The following SIK3 variants were observed in gnomAD, a reference collection of about 807,000 sequenced individuals.
SIK3 encodes the protein serine/threonine-protein kinase SIK3.
Under a neutral mutation model 144.2 loss-of-function variants are expected in SIK3, and 28 were observed. That is an observed-to-expected ratio of 0.19 (90% confidence interval 0.14 to 0.27). The LOEUF is 0.27. Among genes scored for constraint, SIK3 ranks in the 10% least tolerant of loss-of-function variants. The probability of loss-of-function intolerance (pLI) is 1.00; values close to 1 mark genes in which losing one functional copy is unlikely to be tolerated. For synonymous variants in SIK3, 686 were observed against 676.3 expected, an observed-to-expected ratio of 1.01 and a Z score of -0.22; for missense variants, 1,319 against 1,776.0, an observed-to-expected ratio of 0.74 and a Z score of 4.62.
At chr11:117,036,307 G>A (rs1267366809) in intron 1 of SIK3, among the ~76,000 whole-genome samples, 1 of 152,106 alleles carries the variant, frequency 6.6e-6, no homozygotes, top group East Asian at 1.9e-4. Context: ...GAAAGTTGAG[G>A]GAAAGCTGAG....
chr11:116,867,928 G>A lies in SIK3; in HGVS notation c.1952+18C>T. 1.3e-6 allele frequency: 2 copies of A among 1,522,556 alleles called. No homozygotes were observed. The highest frequency in any genetic ancestry group is 1.8e-6 in the Non-Finnish European group (2 of 1,132,024). 94.3% of individuals were successfully genotyped at this position (1,522,556 alleles called of 1,614,324 possible). A position where few individuals can be genotyped will look rare whatever the true frequency, so the allele number is the denominator to read the frequency against. Reference sequence around the variant, plus strand: ...CGATGAGCCTCAAGGAGCTCGCACAGCTCATGTGGCTACTCACCGATGCTG... The same window carrying A: ...CGATGAGCCTCAAGGAGCTCGCACAACTCATGTGGCTACTCACCGATGCTG... On this transcript the variant is annotated intron_variant, in intron 15 of 24. Transcript: ENST00000445177. This position sits in a 1 kb window ranked among gnomAD's most constrained non-coding sequence, Gnocchi z 4.1.
intron 4 of SIK3, among the ~76,000 whole-genome samples, chr11:116,910,372 A>G (rs982604181): frequency 6.6e-6 from 1 of 152,210 alleles, no homozygotes; most frequent in Non-Finnish European, 1.5e-5. Context: ...GAAAGTTGAC[A>G]TAGTTTTAGT....
chr11:117,012,953 A>G lies in SIK3; in HGVS notation c.274-55889T>C, dbSNP rs1032593706. Among the ~76,000 whole-genome samples the G allele has an allele frequency of 4.1e-5, 6 of 145,084 alleles. No individual in the cohort carries two copies. The South Asian group carries it at 1.1e-3, about 26-fold the overall frequency. On this transcript the variant is annotated intron_variant, in intron 1 of 24. Coordinates refer to ENST00000445177, the MANE Select transcript of SIK3 (RefSeq NM_001366686.3). The stretch of plus-strand genomic sequence containing the variant: ...TGCAAGCTCTGCCTCCCGGGTTCAC[A>G]CCATTATCCTGCCTCAGCCTCCCGA...
intron 1 of SIK3, among the ~76,000 whole-genome samples, chr11:116,988,376 ACT>A (rs1475597572): frequency 6.9e-6 from 1 of 144,074 alleles, no homozygotes; most frequent in Non-Finnish European, 1.6e-5. Flanking sequence ...ACAGAGCGAG[ACT>A]CTGACTCAAA....
chr11:116,967,559 T>C (rs1949603679), intron 1 of SIK3, among the ~76,000 whole-genome samples: 1 of 152,160 alleles, frequency 6.6e-6, no homozygotes, highest in South Asian at 2.1e-4. Flanking sequence ...CAGAAAACAG[T>C]TGAAAAACTA....
chr11:116,878,062 A>G (rs1262738651), intron 6 of SIK3, among the ~76,000 whole-genome samples: 1 of 152,158 alleles, frequency 6.6e-6, no homozygotes, highest in Non-Finnish European at 1.5e-5. Context: ...CTTAACCACA[A>G]TGCTACCCTG....
At chr11:116,908,144 G>C (rs1412881793) in intron 4 of SIK3, among the ~76,000 whole-genome samples, 1 of 152,126 alleles carries the variant, frequency 6.6e-6, no homozygotes, top group Non-Finnish European at 1.5e-5. Flanking sequence ...CAGAAAGTGA[G>C]AAACCACAAA....
chr11:116,998,008 C>T (rs1297269924), intron 1 of SIK3, among the ~76,000 whole-genome samples: 3 of 151,962 alleles, frequency 2.0e-5, no homozygotes, highest in Non-Finnish European at 4.4e-5. Flanking sequence ...TACAGGTGCA[C>T]ACCACCCAGT....
chr11:117,035,728 TA>T, intron 1 of SIK3: 1 of 1,147,082 alleles, frequency 8.7e-7, no homozygotes, highest in South Asian at 1.3e-5. Flanking sequence ...CTAATTGTTT[TA>T]ATTTTTTTTT....
At chr11:116,921,129 C>A (rs1373283564) in intron 4 of SIK3, among the ~76,000 whole-genome samples, 2 of 152,222 alleles carry the variant, frequency 1.3e-5, no homozygotes, top group Non-Finnish European at 2.9e-5. Flanking sequence ...AAGAATCCTA[C>A]TCTTTTCCCA....
At chr11:116,995,225 C>A (rs1047915502) in intron 1 of SIK3, among the ~76,000 whole-genome samples, 10 of 149,218 alleles carry the variant, frequency 6.7e-5, no homozygotes, top group Admixed American at 6.7e-4. Context: ...CAAGATCGCA[C>A]CATTGCACTC....
At chr11:116,915,382 G>T (rs908300249) in intron 4 of SIK3, among the ~76,000 whole-genome samples, 1 of 152,060 alleles carries the variant, frequency 6.6e-6, no homozygotes. Flanking sequence ...CTAGGATTTG[G>T]AACACTTACA....
intron 1 of SIK3, among the ~76,000 whole-genome samples, chr11:117,036,724 A>G (rs1458335736): frequency 6.6e-6 from 1 of 152,206 alleles, no homozygotes; most frequent in Non-Finnish European, 1.5e-5. Flanking sequence ...AATATATTAA[A>G]TGACTCTTCG....
In SIK3 at chr11:116,845,030, G is replaced by T; in HGVS notation, c.*613C>A. On this transcript the variant is annotated 3_prime_UTR_variant, in exon 25 of 25. Transcript: ENST00000445177. ...AAAGACCTCTCTGCGTTCCAGGCTT[G>T]GGGGTTTCTCTTTTTTTGTTCTTTT... 1 of 152,190 alleles carries T rather than the reference G, an allele frequency of 6.6e-6. No individual in the cohort carries two copies. The highest frequency in any genetic ancestry group is 1.5e-5 in the Non-Finnish European group (1 of 68,044). 9.4% of individuals were successfully genotyped at this position (152,190 alleles called of 1,614,324 possible).
chr11:116,843,762 T>A lies in SIK3; in HGVS notation c.*1881A>T, dbSNP rs543152327. ...CAAGCGCAGATAAGTCAACAGCTTTTTAGGGCTTTCTTGGTAAGCCCCCTT... is the reference window on the plus strand; with the variant it reads ...CAAGCGCAGATAAGTCAACAGCTTTATAGGGCTTTCTTGGTAAGCCCCCTT... On this transcript the variant is annotated 3_prime_UTR_variant, in exon 25 of 25. Transcript: ENST00000445177. The A allele has an allele frequency of 6.6e-6, 1 of 152,322 alleles. No homozygotes were observed. Among genetic ancestry groups the A allele is most frequent in the South Asian group, 2.1e-4 (1 of 4,818 alleles). The allele number at this position is 152,322 out of a possible 1,614,324, so 9.4% of individuals were successfully genotyped here.
chr11:117,028,288 A>G (rs1297677227), intron 1 of SIK3, among the ~76,000 whole-genome samples: 1 of 152,046 alleles, frequency 6.6e-6, no homozygotes, highest in African/African-American at 2.4e-5. Context: ...TCATTCATTC[A>G]CTCATATCTT....
chr11:117,036,076 C>T (rs1565581113), intron 1 of SIK3: 6 of 891,714 alleles, frequency 6.7e-6, no homozygotes, highest in East Asian at 2.6e-5. Context: ...AGGTCATCAC[C>T]GCCGGAAAGG....
At chr11:117,042,120 G>A (rs1420899116) in intron 1 of SIK3, among the ~76,000 whole-genome samples, 1 of 152,022 alleles carries the variant, frequency 6.6e-6, no homozygotes, top group African/African-American at 2.4e-5. Context: ...GCTAATAACT[G>A]ACTTCGAGGG....
rs887319755 is a variant in SIK3 at position 116,846,290 on chromosome 11, GCCA to G, written c.*13+90_*13+92del. The G allele has an allele frequency of 6.2e-5, 83 of 1,332,292 alleles. No homozygotes were observed. Among genetic ancestry groups the G allele is most frequent in the Non-Finnish European group, 6.9e-5 (66 of 953,364 alleles). 82.5% of individuals were successfully genotyped at this position (1,332,292 alleles called of 1,614,324 possible). ...AGGCGTGGTACTGTCGACTGCACTG[GCCA>G]CCACAACACATGGGCTGAAGCTCCT... On this transcript the variant is annotated intron_variant, in intron 24 of 24. Transcript: ENST00000445177. This position sits in a 1 kb window ranked among gnomAD's most constrained non-coding sequence, Gnocchi z 4.1.
Sources: gnomAD v4.1 joint callset for allele counts (sites outside exome capture counted in the v4.1 genomes callset) on GRCh38, gnomAD v4.1.1 for gene constraint, Gnocchi (gnomAD v3.1) non-coding constraint, MANE v1.5 for transcripts, NCBI Gene and HGNC (gene_info 2026-07-23, HGNC 2026-07-21) for gene names.